Variants in NBPF26 observed in about 807,000 individuals in gnomAD.
The protein encoded by NBPF26 is NBPF family member NBPF26.
NBPF26 carries 79 observed loss-of-function variants against 119.6 expected under a neutral mutation model. The ratio of observed to expected loss-of-function variants is 0.66; its 90% CI spans 0.55 to 0.80. NBPF26 has a LOEUF of 0.80. NBPF26 is among the 30% of genes least tolerant of loss of function. The probability of loss-of-function intolerance (pLI) is 0.00; values close to 1 mark genes in which losing one functional copy is unlikely to be tolerated. For missense variants in NBPF26, 800 were observed against 1,198.2 expected (o/e 0.67, Z 4.91); for synonymous variants, 299 against 457.7 (o/e 0.65, Z 4.43).
intron 1 of NBPF26, among the ~76,000 whole-genome samples, chr1:120,760,160 A>G (rs1246117971): frequency 1.7e-5 from 1 of 58,302 alleles, no homozygotes; most frequent in Non-Finnish European, 2.8e-5. Context: ...ATAGTATTCC[A>G]TTGTATATAT....
intron 3 of NBPF26, 76 bp from the exon 4 acceptor site, chr1:120,793,085 A>C: frequency 1.5e-6 from 1 of 671,106 alleles, no homozygotes; most frequent in South Asian, 1.7e-5. Context: ...GAGCTCGCTG[A>C]TGTCAATGAG....
At chr1:120,803,301 C>T (rs1651602661) in intron 4 of NBPF26, among the ~76,000 whole-genome samples, 1 of 138,000 alleles carries the variant, frequency 7.2e-6, no homozygotes, top group African/African-American at 2.9e-5. Context: ...AAAATCTTCT[C>T]CATAAGACAT....
Position 120,815,357 on chromosome 1 carries a change from A to G in NBPF26, c.2092+314A>G, listed in dbSNP as rs1462869965. ...CTTGTTAGAGTGAAAAGAGCTCTGG[A>G]CTAAGAATGAAGGTTCCCAGGCTGT... On this transcript the variant is annotated intron_variant, in intron 12 of 29. Coordinates refer to ENST00000620612, the Ensembl canonical transcript of NBPF26. 1.5e-4 allele frequency among the ~76,000 whole-genome samples: 17 copies of G among 116,278 alleles called. 3 individuals are homozygous for G. The highest frequency in any genetic ancestry group is 7.4e-4 in the Admixed American group (9 of 12,194). 76.3% of individuals were successfully genotyped at this position (116,278 alleles called of 152,430 possible). A position where few individuals can be genotyped will look rare whatever the true frequency, so the allele number is the denominator to read the frequency against.
At position 120,823,378 on chromosome 1, in the gene NBPF26, T is replaced by C. The variant is rs1652166869; in HGVS notation, c.2639+18T>C. On this transcript the variant is annotated intron_variant, in intron 17 of 29. Coordinates refer to ENST00000620612, the Ensembl canonical transcript of NBPF26. Reference sequence around the variant, plus strand: ...GGTCCCAGGTGAGTCTGAGAAATTGTGGACAGTTAATTTGATGTTGACACC... The same window carrying C: ...GGTCCCAGGTGAGTCTGAGAAATTGCGGACAGTTAATTTGATGTTGACACC... 9 of 1,309,132 alleles carry C rather than the reference T, an allele frequency of 6.9e-6. 3 individuals are homozygous for C. Among genetic ancestry groups the C allele is most frequent in the South Asian group, 1.2e-5 (1 of 81,580 alleles). The allele number at this position is 1,309,132 out of a possible 1,614,324, so 81.1% of individuals were successfully genotyped here.
At chr1:120,832,576 T>C (rs1301380703) in intron 22 of NBPF26, among the ~76,000 whole-genome samples, 1 of 119,368 alleles carries the variant, frequency 8.4e-6, no homozygotes, top group Non-Finnish European at 1.6e-5. Context: ...AGAAATCATT[T>C]GAGGGTATTT....
intron 9 of NBPF26, 116 bp downstream of exon 9, chr1:120,810,674 C>T: frequency 2.4e-6 from 3 of 1,260,742 alleles, no homozygotes; most frequent in African/African-American, 2.8e-5. Flanking sequence ...TGGGATGGAG[C>T]TAGGTGCTGT....
intron 4 of NBPF26, chr1:120,793,880 A>C: frequency 2.1e-6 from 1 of 482,622 alleles, no homozygotes; most frequent in East Asian, 3.1e-5. Flanking sequence ...CTGAATTGAC[A>C]TTAACAGTAG....
chr1:120,728,532 TGC>T lies in NBPF26; in HGVS notation c.73+4283_73+4284del, dbSNP rs1650840187. On this transcript the variant is annotated intron_variant, in intron 1 of 29. Transcript: ENST00000620612. ...CTTTGGAATCTCACTTCAAAGGCAC[TGC>T]CATCCACCCCCTGCCTCTCACTCAA... Among the ~76,000 whole-genome samples, 4 of 117,262 alleles carry T rather than the reference TGC, an allele frequency of 3.4e-5. 1 individual carries two copies. Among genetic ancestry groups the T allele is most frequent in the Non-Finnish European group, 4.9e-5 (3 of 61,208 alleles). The allele number at this position is 117,262 out of a possible 152,430, so 76.9% of individuals were successfully genotyped here.
At chr1:120,775,685 A>G (rs1193535863) in intron 2 of NBPF26, among the ~76,000 whole-genome samples, 15,533 of 33,222 alleles carry the variant, frequency 0.47, 5,522 homozygotes, top group Non-Finnish European at 0.52. Context: ...TGCTATTGAG[A>G]CCACTTTGTA....
chr1:120,838,591 T>C (rs1458393071), intron 27 of NBPF26, among the ~76,000 whole-genome samples, 154 bp from the exon 34 acceptor site: 1 of 48,522 alleles, frequency 2.1e-5, no homozygotes, highest in African/African-American at 9.9e-5. Context: ...GGCCCTGTTC[T>C]GTCCCAACAT....
intron 1 of NBPF26, among the ~76,000 whole-genome samples, chr1:120,752,561 T>A (rs1651034079): frequency 1.9e-4 from 5 of 26,390 alleles, no homozygotes; most frequent in African/African-American, 1.5e-3. Flanking sequence ...TATATTTTTT[T>A]TTTTTTTTTT....
chr1:120,819,102 T>G (rs1313979404), intron 15 of NBPF26, among the ~76,000 whole-genome samples: 2 of 125,266 alleles, frequency 1.6e-5, no homozygotes, highest in Admixed American at 7.7e-5. Context: ...CATGATGATT[T>G]TGTGGAGTCT....
chr1:120,793,407 T>C (rs1651516056), exon 4 of NBPF26: 5 of 1,441,530 alleles, frequency 3.5e-6, no homozygotes, highest in South Asian at 1.2e-5. Context: ...TGTGACAGAC[T>C]GTATGTGCCC....
chr1:120,823,060 T>G (rs1652155042), intron 16 of NBPF26, among the ~76,000 whole-genome samples: 1 of 121,544 alleles, frequency 8.2e-6, no homozygotes, highest in Admixed American at 7.9e-5. Flanking sequence ...TTTGTGTACA[T>G]AAACCTAGGA....
Position 120,806,127 on chromosome 1 carries a change from A to G in NBPF26, c.961+362A>G, listed in dbSNP as rs1381976739. Among the ~76,000 whole-genome samples, 31 of 111,164 alleles carry G rather than the reference A, an allele frequency of 2.8e-4. 5 individuals carry two copies. The highest frequency in any genetic ancestry group is 1.0e-3 in the East Asian group (5 of 4,820). The allele number at this position is 111,164 out of a possible 152,430, so 72.9% of individuals were successfully genotyped here. A position where few individuals can be genotyped will look rare whatever the true frequency, so the allele number is the denominator to read the frequency against. ...ATCTAGTCTGTTGTTCTAAATGTCTAGGACTAGTGAACTTTTATTCAGTTC... is the reference window on the plus strand; with the variant it reads ...ATCTAGTCTGTTGTTCTAAATGTCTGGGACTAGTGAACTTTTATTCAGTTC... On this transcript the variant is annotated intron_variant, in intron 5 of 29. Coordinates refer to ENST00000620612, the Ensembl canonical transcript of NBPF26.
In NBPF26 at chr1:120,728,429, G is replaced by T. The variant is rs1412282399; in HGVS notation, c.73+4179G>T. On this transcript the variant is annotated intron_variant, in intron 1 of 29. Coordinates refer to ENST00000620612, the Ensembl canonical transcript of NBPF26. ...TTCCCCAGATGTTTCATTTAAACTT[G>T]TAATTTTGAATTTCTTTGTGTGTGG... 2.7e-5 allele frequency among the ~76,000 whole-genome samples: 3 copies of T among 111,290 alleles called. 1 individual carries two copies. The highest frequency in any genetic ancestry group is 3.4e-5 in the Non-Finnish European group (2 of 59,284). 73.0% of individuals were successfully genotyped at this position (111,290 alleles called of 152,430 possible).
chr1:120,819,150 A>G lies in NBPF26; in HGVS notation c.2423+976A>G, dbSNP rs1244981194. On this transcript the variant is annotated intron_variant, in intron 15 of 29. Coordinates refer to ENST00000620612, the Ensembl canonical transcript of NBPF26. ...AGGTCTCTCAGGACTTGCTTTATGAATCTGGGTGCTCCTGTTTAGGGTGCA... is the reference window on the plus strand; with the variant it reads ...AGGTCTCTCAGGACTTGCTTTATGAGTCTGGGTGCTCCTGTTTAGGGTGCA... Among the ~76,000 whole-genome samples the G allele has an allele frequency of 1.6e-5, 2 of 124,560 alleles. 1 individual carries two copies. Among genetic ancestry groups the G allele is most frequent in the Non-Finnish European group, 3.3e-5 (2 of 61,138 alleles). The allele number at this position is 124,560 out of a possible 152,430, so 81.7% of individuals were successfully genotyped here.
chr1:120,781,693 A>G (rs1357604275), intron 2 of NBPF26, among the ~76,000 whole-genome samples: 2 of 79,410 alleles, frequency 2.5e-5, no homozygotes. Flanking sequence ...CCTCCCGAGT[A>G]GCTGGGACTA....
chr1:120,793,272 G>A, exon 4 of NBPF26: 3 of 1,398,270 alleles, frequency 2.1e-6, no homozygotes, highest in Non-Finnish European at 2.9e-6. Context: ...GGCTTCACAG[G>A]GCAGAAGTGT....
Sources: gnomAD v4.1 joint callset for allele counts (sites outside exome capture counted in the v4.1 genomes callset) on GRCh38, gnomAD v4.1.1 for gene constraint, MANE v1.5 for transcripts, NCBI Gene and HGNC (gene_info 2026-07-23, HGNC 2026-07-21) for gene names.